The following FNDC3A variants were observed in gnomAD, a reference collection of about 807,000 sequenced individuals.
FNDC3A encodes the protein fibronectin type III domain containing 3A, also known as fibronectin type-III domain-containing protein 3A.
A neutral mutation model predicts 148.9 loss-of-function variants in FNDC3A; 32 were observed. The ratio of observed to expected loss-of-function variants is 0.21; its 90% confidence interval spans 0.16 to 0.29. The LOEUF is 0.29. Among genes scored for constraint, FNDC3A ranks in the 10% least tolerant of loss-of-function variants. FNDC3A has a pLI of 1.00. For missense variants in FNDC3A, 1,191 were observed against 1,452.8 expected (o/e 0.82, Z 2.93); for synonymous variants, 472 against 473.6 (o/e 1.00, Z 0.04).
At chr13:49,024,016 A>G (rs1566198301) in intron 2 of FNDC3A, among the ~76,000 whole-genome samples, 1 of 151,892 alleles carries the variant, frequency 6.6e-6, no homozygotes, top group Non-Finnish European at 1.5e-5. Context: ...AAAGAGATAA[A>G]TAAATAAATC....
At position 49,120,188 on chromosome 13, in the gene FNDC3A, A is replaced by G. The variant is rs1881240472; in HGVS notation, c.252+5457A>G. Among the ~76,000 whole-genome samples the G allele has an allele frequency of 2.0e-5, 3 of 152,364 alleles. No individual in the cohort carries two copies. In the South Asian group the frequency reaches 6.2e-4, roughly 32 times the overall value. On this transcript the variant is annotated intron_variant, in intron 4 of 25. Transcript: ENST00000492622. Reference sequence around the variant, plus strand: ...AGAAGAGAGTGGGGGCCAATATTCAACATTCTTAAAGGAAAGAATTTTCAA... The same window carrying G: ...AGAAGAGAGTGGGGGCCAATATTCAGCATTCTTAAAGGAAAGAATTTTCAA...
intron 13 of FNDC3A, among the ~76,000 whole-genome samples, chr13:49,176,446 C>G (rs1232257231): frequency 6.6e-6 from 1 of 151,842 alleles, no homozygotes; most frequent in African/African-American, 2.4e-5. Flanking sequence ...AACACCTGGA[C>G]ACAGGGAGGG....
intron 24 of FNDC3A, 38 bp from the exon 25 acceptor site, chr13:49,203,119 C>A: frequency 7.2e-7 from 1 of 1,395,846 alleles, no homozygotes. Flanking sequence ...AATTAAAAAT[C>A]AAGTGGAACA....
intron 2 of FNDC3A, among the ~76,000 whole-genome samples, chr13:49,013,559 T>C (rs1222027188): frequency 1.3e-5 from 2 of 151,746 alleles, no homozygotes; most frequent in East Asian, 1.9e-4. Context: ...TATACATATG[T>C]ACACGTGTAT....
At chr13:49,094,802 A>T (rs908950123) in intron 3 of FNDC3A, among the ~76,000 whole-genome samples, 12 of 152,038 alleles carry the variant, frequency 7.9e-5, no homozygotes, top group Admixed American at 6.6e-5. Flanking sequence ...GGGTGAGCCT[A>T]CTCTATTCTT....
intron 2 of FNDC3A, among the ~76,000 whole-genome samples, chr13:49,063,369 A>T (rs942721765): frequency 8.5e-5 from 13 of 152,140 alleles, no homozygotes; most frequent in Non-Finnish European, 1.8e-4. Context: ...TAAAATAATC[A>T]TGTAATATAA....
chr13:49,197,304 A>G (rs994972181), intron 20 of FNDC3A, among the ~76,000 whole-genome samples: 9 of 152,194 alleles, frequency 5.9e-5, no homozygotes, highest in East Asian at 1.9e-4. Flanking sequence ...AGTAAATTCT[A>G]TTTCTCTTAT....
intron 8 of FNDC3A, among the ~76,000 whole-genome samples, chr13:49,147,277 G>C (rs945451639): frequency 1.3e-5 from 2 of 152,124 alleles, no homozygotes; most frequent in East Asian, 3.8e-4. Context: ...CCTGACCAGG[G>C]AGCACGAGGG....
chr13:49,139,905 G>A (rs1882593012), intron 7 of FNDC3A, among the ~76,000 whole-genome samples: 1 of 152,128 alleles, frequency 6.6e-6, no homozygotes, highest in Non-Finnish European at 1.5e-5. Context: ...CTGAAATTTA[G>A]GCAGTATCCT....
intron 2 of FNDC3A, among the ~76,000 whole-genome samples, chr13:49,013,532 A>G (rs1176552310): frequency 1.3e-5 from 2 of 151,460 alleles, no homozygotes; most frequent in African/African-American, 2.4e-5. Flanking sequence ...GTATACATGT[A>G]TATACGTGTA....
chr13:49,109,059 C>T (rs1282597061), intron 3 of FNDC3A, among the ~76,000 whole-genome samples: 1 of 152,154 alleles, frequency 6.6e-6, no homozygotes, highest in Non-Finnish European at 1.5e-5. Context: ...GCCTTTGCCT[C>T]GCTTTGTGCC....
chr13:49,110,481 G>C, intron 3 of FNDC3A: 3 of 1,025,956 alleles, frequency 2.9e-6, no homozygotes, highest in Admixed American at 1.8e-5. Context: ...AAGTCATGCC[G>C]TGTGTTTTTA....
At chr13:49,185,928 A>G (rs1180471772) in intron 14 of FNDC3A, 36 bp from the exon 15 acceptor site, 2 of 1,536,602 alleles carry the variant, frequency 1.3e-6, no homozygotes, top group East Asian at 2.3e-5. Flanking sequence ...TTAGGTATCA[A>G]GTGTATTATT....
In FNDC3A at chr13:49,191,354, C is replaced by T; in HGVS notation, c.2196C>T (p.Ser732=). ...GCCTTCTTCCTGGAAAGACATACAGCTTCAGACTACGTGCAGCTAACAAAA... is the reference window on the plus strand; with the variant it reads ...GCCTTCTTCCTGGAAAGACATACAGTTTCAGACTACGTGCAGCTAACAAAA... ...VSSLLPGKTY[S]FRLRAANKMG... The change falls in exon 19 of 26, where the codon AGC becomes AGT. Residue 732 remains serine (S), a synonymous_variant. Coordinates refer to ENST00000492622, the MANE Select transcript of FNDC3A (RefSeq NM_001079673.2). The T allele has an allele frequency of 6.2e-7, 1 of 1,606,300 alleles. No individual in the cohort carries two copies. The highest frequency in any genetic ancestry group is 8.5e-7 in the Non-Finnish European group (1 of 1,177,792).
At chr13:49,067,528 T>G (rs1228036123) in intron 2 of FNDC3A, among the ~76,000 whole-genome samples, 1 of 152,200 alleles carries the variant, frequency 6.6e-6, no homozygotes, top group Admixed American at 6.5e-5. Context: ...ATTAACCCAT[T>G]TATGCCTAGT....
intron 4 of FNDC3A, among the ~76,000 whole-genome samples, chr13:49,127,719 A>C (rs1881785346): frequency 1.3e-5 from 2 of 152,162 alleles, no homozygotes; most frequent in African/African-American, 4.8e-5. Context: ...TAAACTCTTC[A>C]AACTCACAAG....
Position 49,198,573 on chromosome 13 carries a change from C to T in FNDC3A, c.2986C>T (p.Arg996Trp), listed in dbSNP as rs748754902. The stretch of plus-strand genomic sequence containing the variant: ...CCTTCAGATGGAGGATAAGAATGGA[C>T]GGTAGGTTTTTTTAATTGCTTCTTT... The part of the protein sequence containing the change: ...YHLQMEDKNG[R>W]FVSLYRGPCH... Residue 996 changes from arginine (R) to tryptophan (W), a missense_variant and splice_region_variant, in exon 23 of 26, where the codon CGG (arginine) becomes TGG (tryptophan). Arg to Trp is a moderately radical substitution (Grantham distance 101). Around this residue, in one of 3 missense-constraint regions of FNDC3A, gnomAD observed 751 missense variants for 944.0 expected, o/e 0.80. Coordinates refer to ENST00000492622, the MANE Select transcript of FNDC3A (RefSeq NM_001079673.2). 18 of 1,608,754 alleles carry T rather than the reference C, an allele frequency of 1.1e-5. No individual in the cohort carries two copies. The highest frequency in any genetic ancestry group is 1.7e-4 in the Middle Eastern group (1 of 6,054).
At chr13:49,187,687 C>T in intron 16 of FNDC3A, 1 of 1,551,630 alleles carries the variant, frequency 6.4e-7, no homozygotes, top group Non-Finnish European at 8.9e-7. Flanking sequence ...GCTGGAAGCT[C>T]TGCGAAAGGC....
intron 3 of FNDC3A, among the ~76,000 whole-genome samples, chr13:49,107,761 C>T (rs1052369101): frequency 1.3e-5 from 2 of 152,126 alleles, no homozygotes; most frequent in Admixed American, 6.5e-5. Context: ...TCCTAGAAAA[C>T]AGTGTAAGGG....
Sources: allele counts gnomAD v4.1 joint callset (sites outside exome capture counted in the v4.1 genomes callset), GRCh38; gene constraint gnomAD v4.1.1; regional missense constraint gnomAD v4.1.1; transcripts MANE v1.5; gene names NCBI Gene and HGNC (gene_info 2026-07-23, HGNC 2026-07-21).